The following DOP1A variants were observed in gnomAD, a reference collection of about 807,000 sequenced individuals.
DOP1A encodes DOP1 leucine zipper like protein A.
DOP1A carries 90 observed loss-of-function variants against 267.6 expected under a neutral mutation model. The observed-to-expected ratio is 0.34, with a 90% CI of 0.28 to 0.40. The LOEUF (loss-of-function observed/expected upper bound fraction) is 0.40. Among genes scored for constraint, DOP1A ranks in the 10% least tolerant of loss-of-function variants. DOP1A has a pLI of 1.00. For synonymous variants in DOP1A, 932 were observed against 999.1 expected, an observed-to-expected ratio of 0.93 and a Z score of 1.27; for missense variants, 2,437 against 2,900.4, an observed-to-expected ratio of 0.84 and a Z score of 3.67.
chr6:83,163,473 G>A (rs2128434443), intron 38 of DOP1A, among the ~76,000 whole-genome samples: 1 of 152,212 alleles, frequency 6.6e-6, no homozygotes, highest in East Asian at 1.9e-4. Flanking sequence ...AATTGAATGA[G>A]CTAGACCTCG....
chr6:83,152,893 C>T (rs963919897), intron 30 of DOP1A, among the ~76,000 whole-genome samples: 1 of 152,144 alleles, frequency 6.6e-6, no homozygotes, highest in East Asian at 1.9e-4. Flanking sequence ...GCTGAGGTTA[C>T]AGGCATGAGC....
At chr6:83,135,279 C>T (rs1011320157) in intron 19 of DOP1A, among the ~76,000 whole-genome samples, 3 of 151,770 alleles carry the variant, frequency 2.0e-5, no homozygotes, top group Non-Finnish European at 2.9e-5. Context: ...GCCGACTTGC[C>T]GAAGGCTCAG....
At chr6:83,141,559 C>T (rs981614211) in intron 23 of DOP1A, among the ~76,000 whole-genome samples, 2 of 152,054 alleles carry the variant, frequency 1.3e-5, no homozygotes, top group Middle Eastern at 3.2e-3. Context: ...TTTTATGTTT[C>T]GTTTTACTTA....
intron 3 of DOP1A, among the ~76,000 whole-genome samples, chr6:83,098,660 G>A (rs2128127547): frequency 1.3e-5 from 2 of 152,324 alleles, no homozygotes; most frequent in Middle Eastern, 6.8e-3. Context: ...AGGTATGGGT[G>A]AAGGGACGTA....
chr6:83,108,789 T>C, intron 4 of DOP1A, 121 bp from the exon 5 acceptor site: 1 of 962,104 alleles, frequency 1.0e-6, no homozygotes, highest in East Asian at 2.7e-5. Context: ...ACAGGTATCA[T>C]TTTTAAGCCA....
chr6:83,160,981 A>G (rs1258520207), intron 37 of DOP1A, among the ~76,000 whole-genome samples: 1 of 151,966 alleles, frequency 6.6e-6, no homozygotes, highest in East Asian at 1.9e-4. Context: ...AACCATATAT[A>G]TATATATATC....
In DOP1A at chr6:83,137,230, A is replaced by G; in HGVS notation, c.3188A>G (p.Asp1063Gly). The G allele has an allele frequency of 6.2e-7, 1 of 1,603,658 alleles. No individual in the cohort carries two copies. Residue 1063 changes from aspartate (D) to glycine (G), a missense_variant, in exon 21 of 39, where the codon GAT becomes GGT. Coordinates refer to ENST00000349129, the MANE Select transcript of DOP1A (RefSeq NM_015018.4). ...AATGGTGAAAAGCCACTTACCATGGATGAAATAGAGAACTTTAGTCTCACT... is the reference window on the plus strand; with the variant it reads ...AATGGTGAAAAGCCACTTACCATGGGTGAAATAGAGAACTTTAGTCTCACT... ...KGNGEKPLTM[D>G]EIENFSLTVN... is the part of the protein sequence containing the mutation.
chr6:83,167,033 T>G (rs1351687112), intron 38 of DOP1A: 5 of 985,320 alleles, frequency 5.1e-6, no homozygotes, highest in African/African-American at 3.5e-5. Context: ...TCTGTAGCTG[T>G]GTTTGTGTAA....
Position 83,121,980 on chromosome 6 carries a change from T to C in DOP1A, c.1150T>C (p.Ser384Pro), listed in dbSNP as rs756640663. The C allele has an allele frequency of 6.2e-7, 1 of 1,611,514 alleles. No homozygotes were observed. The highest frequency in any genetic ancestry group is 8.5e-7 in the Non-Finnish European group (1 of 1,178,116). ...VLIEVFRTLYSQCKAELDLQT... is the reference protein window; with the variant it reads ...VLIEVFRTLYPQCKAELDLQT... Reference sequence around the variant, plus strand: ...GATTGAAGTGTTTAGAACATTATATTCTCAATGCAAAGCAGAGTTGGATCT... The same window carrying C: ...GATTGAAGTGTTTAGAACATTATATCCTCAATGCAAAGCAGAGTTGGATCT... The change falls in exon 11 of 39, where the codon TCT (serine) becomes CCT (proline). Residue 384 changes from serine (S) to proline (P), a missense_variant. Physicochemically the swap from Ser to Pro is moderately conservative, Grantham distance 74. Around this residue, in one of 9 missense-constraint regions of DOP1A, gnomAD observed 498 missense variants for 513.5 expected, o/e 0.97. Coordinates refer to ENST00000349129, the MANE Select transcript of DOP1A (RefSeq NM_015018.4).
chr6:83,127,631 G>A (rs998679911), intron 15 of DOP1A, among the ~76,000 whole-genome samples: 4 of 152,214 alleles, frequency 2.6e-5, no homozygotes, highest in Non-Finnish European at 5.9e-5. Flanking sequence ...AAAAACAGAT[G>A]TGGGAAGACC....
intron 1 of DOP1A, among the ~76,000 whole-genome samples, chr6:83,095,876 C>T (rs1031859958): frequency 6.6e-6 from 1 of 152,110 alleles, no homozygotes; most frequent in African/African-American, 2.4e-5. Flanking sequence ...ACGAGACCTG[C>T]CTTCTCCATA....
chr6:83,091,232 C>T (rs1251458204), intron 1 of DOP1A, among the ~76,000 whole-genome samples: 2 of 152,106 alleles, frequency 1.3e-5, no homozygotes, highest in Non-Finnish European at 2.9e-5. Context: ...CACCAGGTCC[C>T]TCCCACAGCA....
chr6:83,167,323 T>C, intron 38 of DOP1A: 1 of 985,522 alleles, frequency 1.0e-6, no homozygotes, highest in African/African-American at 1.7e-5. Context: ...TCCTGAGGGA[T>C]CCCTTCCTTT....
chr6:83,110,335 G>A (rs766422818), intron 6 of DOP1A, 21 bp downstream of exon 6: 1 of 1,603,146 alleles, frequency 6.2e-7, no homozygotes, highest in South Asian at 1.1e-5. Flanking sequence ...AAATATGGTT[G>A]CTCATTTCAC....
In DOP1A at chr6:83,130,470, A is replaced by G. The variant is rs1238500626; in HGVS notation, c.2616+73A>G. ...ATGATACTTGACCTAGTTTGCTTTA[A>G]GAATTATTTTTTAAATGTTAATAAA... On this transcript the variant is annotated intron_variant, in intron 17 of 38. Coordinates refer to ENST00000349129, the MANE Select transcript of DOP1A (RefSeq NM_015018.4). 6 of 1,519,122 alleles carry G rather than the reference A, an allele frequency of 3.9e-6. No individual in the cohort carries two copies. The East Asian group carries it at 9.1e-5, about 23-fold the overall frequency. 94.1% of individuals were successfully genotyped at this position (1,519,122 alleles called of 1,614,324 possible). A position where few individuals can be genotyped will look rare whatever the true frequency, so the allele number is the denominator to read the frequency against.
intron 37 of DOP1A, 148 bp from the exon 38 acceptor site, chr6:83,162,642 C>T (rs886801103): frequency 3.8e-6 from 3 of 784,112 alleles, no homozygotes; most frequent in South Asian, 3.2e-5. Context: ...AAGAAACATA[C>T]CCAAAGTGAC....
intron 1 of DOP1A, among the ~76,000 whole-genome samples, chr6:83,083,014 G>T (rs1768412561): frequency 6.6e-6 from 1 of 151,890 alleles, no homozygotes; most frequent in Non-Finnish European, 1.5e-5. Flanking sequence ...CACCATGTTG[G>T]CCAGGCTGGT....
chr6:83,127,473 C>T (rs571706999), intron 15 of DOP1A, among the ~76,000 whole-genome samples: 67 of 152,112 alleles, frequency 4.4e-4, no homozygotes, highest in Non-Finnish European at 9.0e-4. Context: ...TAGGCAGAGG[C>T]CAGGTCTTAG....
At chr6:83,104,680 C>T (rs1006685908) in intron 4 of DOP1A, among the ~76,000 whole-genome samples, 1 of 151,908 alleles carries the variant, frequency 6.6e-6, no homozygotes, top group Non-Finnish European at 1.5e-5. Flanking sequence ...TTATTTATGT[C>T]AGTTTTAATA....
Sources: gnomAD v4.1 joint callset for allele counts (sites outside exome capture counted in the v4.1 genomes callset) on GRCh38, gnomAD v4.1.1 for gene constraint, gnomAD v4.1.1 regional missense constraint, MANE v1.5 for transcripts, NCBI Gene and HGNC (gene_info 2026-07-23, HGNC 2026-07-21) for gene names.